The following DGKH variants were observed in gnomAD, a reference collection of about 807,000 sequenced individuals.
DGKH encodes the protein diacylglycerol kinase eta.
DGKH carries 90 observed loss-of-function variants against 159.3 expected under a neutral mutation model. The ratio of observed to expected loss-of-function variants is 0.57; its 90% CI spans 0.48 to 0.67. The LOEUF is 0.67. Ranked by LOEUF, DGKH falls within the 30% of genes least tolerant of loss-of-function variation. The pLI is 0.00. For missense variants in DGKH, 1,181 were observed against 1,506.1 expected (o/e 0.78, Z 3.57); for synonymous variants, 536 against 553.8 (o/e 0.97, Z 0.45).
intron 20 of DGKH, among the ~76,000 whole-genome samples, chr13:42,202,977 A>G (rs1957383216): frequency 1.3e-5 from 2 of 152,192 alleles, no homozygotes; most frequent in Non-Finnish European, 2.9e-5. Flanking sequence ...AAAACAAATA[A>G]CTTTAAAAAA....
At chr13:42,107,929 C>T (rs544828127) in intron 1 of DGKH, among the ~76,000 whole-genome samples, 1 of 152,160 alleles carries the variant, frequency 6.6e-6, no homozygotes, top group African/African-American at 2.4e-5. Context: ...GGATTTTGTC[C>T]TATTGTCTAA....
At chr13:42,093,563 T>G (rs1309305447) in intron 1 of DGKH, among the ~76,000 whole-genome samples, 1 of 152,208 alleles carries the variant, frequency 6.6e-6, no homozygotes, top group Non-Finnish European at 1.5e-5. Context: ...TACATCTATG[T>G]TCATAGCAGT....
intron 1 of DGKH, among the ~76,000 whole-genome samples, chr13:42,061,010 G>A (rs1261073364): frequency 6.6e-6 from 1 of 152,036 alleles, no homozygotes; most frequent in African/African-American, 2.4e-5. Context: ...TAGGAGCGGC[G>A]GTTTAATAGG....
intron 1 of DGKH, among the ~76,000 whole-genome samples, chr13:42,083,093 A>G (rs1432134229): frequency 1.3e-5 from 2 of 152,250 alleles, no homozygotes; most frequent in African/African-American, 2.4e-5. Context: ...AAGTATGTCA[A>G]AACAAAAACT....
At chr13:42,150,612 G>A (rs1341120945) in intron 3 of DGKH, among the ~76,000 whole-genome samples, 2 of 152,134 alleles carry the variant, frequency 1.3e-5, no homozygotes, top group African/African-American at 2.4e-5. Flanking sequence ...TAAGTGTCCT[G>A]TGTTTAATGA....
chr13:42,135,535 A>T (rs1955387590), intron 3 of DGKH, among the ~76,000 whole-genome samples: 1 of 150,836 alleles, frequency 6.6e-6, no homozygotes, highest in Non-Finnish European at 1.5e-5. Flanking sequence ...GAAAAAAAAT[A>T]ATAATTTATT....
chr13:42,208,317 A>G (rs1226263295), intron 21 of DGKH, among the ~76,000 whole-genome samples: 1 of 152,166 alleles, frequency 6.6e-6, no homozygotes, highest in Non-Finnish European at 1.5e-5. Context: ...TACATATAAA[A>G]TTTTAGAGTA....
intron 1 of DGKH, among the ~76,000 whole-genome samples, chr13:42,124,138 A>C (rs1238509613): frequency 1.3e-5 from 2 of 152,178 alleles, no homozygotes; most frequent in Non-Finnish European, 1.5e-5. Context: ...TCAGGGGTAA[A>C]TTCTCAAGAT....
Position 42,155,319 on chromosome 13 carries a change from T to G in DGKH, c.413T>G (p.Leu138Arg), listed in dbSNP as rs757806841. Residue 138 changes from leucine (L) to arginine (R), a missense_variant, in exon 4 of 30, where the codon CTG (leucine) becomes CGG (arginine). By Grantham distance (102) the Leu-to-Arg change is moderately radical. Around this residue, in one of 5 missense-constraint regions of DGKH, gnomAD observed 369 missense variants for 519.4 expected, o/e 0.71. Transcript: ENST00000337343. ...ATCACTCCATTCAGAAGGCTAATGC[T>G]GTGTGCTGAGAACAGAAAGGAGATG... is the stretch of plus-strand genomic sequence containing the variant. ...TIITPFRRLM[L>R]CAENRKEMED... 6.2e-7 allele frequency: 1 copy of G among 1,611,798 alleles called. No individual in the cohort carries two copies. The highest frequency in any genetic ancestry group is 8.5e-7 in the Non-Finnish European group (1 of 1,179,476).
intron 1 of DGKH, among the ~76,000 whole-genome samples, chr13:42,122,629 T>A (rs1221645230): frequency 6.6e-6 from 1 of 152,192 alleles, no homozygotes; most frequent in Non-Finnish European, 1.5e-5. Context: ...CACTGCCATA[T>A]TGAGGATTGT....
Position 42,206,057 on chromosome 13 carries a change from C to A in DGKH, c.2512C>A (p.Pro838Thr), listed in dbSNP as rs760763319. 3 of 1,416,600 alleles carry A rather than the reference C, an allele frequency of 2.1e-6. No individual in the cohort carries two copies. In the East Asian group the frequency reaches 8.0e-5, roughly 38 times the overall value. The allele number at this position is 1,416,600 out of a possible 1,614,324, so 87.8% of individuals were successfully genotyped here. A position where few individuals can be genotyped will look rare whatever the true frequency, so the allele number is the denominator to read the frequency against. Residue 838 changes from proline (P) to threonine (T), a missense_variant, in exon 21 of 30, where the codon CCT becomes ACT. Pro to Thr is a conservative substitution (Grantham distance 38, BLOSUM62 -1). Coordinates refer to ENST00000337343, the MANE Select transcript of DGKH (RefSeq NM_178009.5). ...CTTACAGTGTGATGGGCAGTATATT[C>A]CTCTTCCCAGCTTGCAAGGCATAGC... ...VQLECDGQYI[P>T]LPSLQGIAVL...
chr13:42,135,950 G>A (rs1466336013), intron 3 of DGKH, among the ~76,000 whole-genome samples: 1 of 152,126 alleles, frequency 6.6e-6, no homozygotes, highest in Non-Finnish European at 1.5e-5. Context: ...TACCCAATTT[G>A]TAGAGGATAG....
intron 2 of DGKH, among the ~76,000 whole-genome samples, chr13:42,129,111 C>G (rs1955234156): frequency 6.6e-6 from 1 of 152,210 alleles, no homozygotes; most frequent in Non-Finnish European, 1.5e-5. Flanking sequence ...AAATAAGGTT[C>G]AGAAGGTTCA....
chr13:42,061,922 T>G (rs1031720428), intron 1 of DGKH, among the ~76,000 whole-genome samples: 1 of 152,044 alleles, frequency 6.6e-6, no homozygotes, highest in Non-Finnish European at 1.5e-5. Context: ...ATATAGCTGG[T>G]GTTCATAAGC....
At chr13:42,102,468 C>T (rs568336175) in intron 1 of DGKH, among the ~76,000 whole-genome samples, 3 of 152,346 alleles carry the variant, frequency 2.0e-5, no homozygotes, top group African/African-American at 4.8e-5. Context: ...GCCCAGCAGA[C>T]GCAGATGTTG....
chr13:42,254,417 AG>A (rs1343402627), intron 30 of DGKH, among the ~76,000 whole-genome samples: 5 of 152,094 alleles, frequency 3.3e-5, no homozygotes, highest in Admixed American at 6.6e-5. Flanking sequence ...TGATCACCTG[AG>A]GTCAGGAGTT....
At chr13:42,152,122 A>G (rs9533016) in intron 3 of DGKH, among the ~76,000 whole-genome samples, 142,727 of 152,142 alleles carry the variant, frequency 0.94, 67,302 homozygotes, top group Non-Finnish European at 0.98. Flanking sequence ...CTTTTTAATG[A>G]GGCTATTTGT....
chr13:42,159,143 T>G, intron 5 of DGKH, 123 bp from the exon 6 acceptor site: 1 of 572,902 alleles, frequency 1.7e-6, no homozygotes, highest in Non-Finnish European at 3.0e-6. Context: ...CTTTTAAATA[T>G]ATTTGTTTTC....
intron 1 of DGKH, among the ~76,000 whole-genome samples, chr13:42,040,840 C>A (rs1267685485): frequency 1.2e-4 from 17 of 146,604 alleles, no homozygotes. Context: ...GGCGGGGACC[C>A]GGGTCTGCGC....
Sources: allele counts gnomAD v4.1 joint callset (sites outside exome capture counted in the v4.1 genomes callset), GRCh38; gene constraint gnomAD v4.1.1; regional missense constraint gnomAD v4.1.1; transcripts MANE v1.5; gene names NCBI Gene and HGNC (gene_info 2026-07-23, HGNC 2026-07-21).